The following RNF170 variants were observed in gnomAD, a reference collection of about 807,000 sequenced individuals.
RNF170 encodes the protein ring finger protein 170, also known as E3 ubiquitin-protein ligase RNF170.
RNF170 carries 12 observed loss-of-function variants against 32.7 expected under a neutral mutation model. The ratio of observed to expected loss-of-function variants is 0.37; its 90% CI spans 0.24 to 0.60. The LOEUF (loss-of-function observed/expected upper bound fraction) is 0.60. Ranked by LOEUF, RNF170 falls within the 20% of genes least tolerant of loss-of-function variation. The pLI, the probability that RNF170 is intolerant of heterozygous loss-of-function variation, is 0.72. For missense variants in RNF170, 212 were observed against 311.2 expected (o/e 0.68, Z 2.40); for synonymous variants, 91 against 103.6 (o/e 0.88, Z 0.74).
chr8:42,874,064 T>C lies in RNF170; in HGVS notation c.138-58A>G, dbSNP rs1804725438. On this transcript the variant is annotated intron_variant, in intron 2 of 6. Coordinates refer to ENST00000527424, the MANE Select transcript of RNF170 (RefSeq NM_030954.4). ...AAAATATTATCATATGAATCCATTT[T>C]CTTCATGGGTCTACTTTCTGACTTA... The C allele has an allele frequency of 4.1e-6, 4 of 980,090 alleles. No homozygotes were observed. In the South Asian group the frequency reaches 5.3e-5, roughly 13 times the overall value. 60.7% of individuals were successfully genotyped at this position (980,090 alleles called of 1,614,324 possible).
upstream of RNF170, chr8:42,897,224 TC>T (rs1393573375): frequency 1.2e-5 from 15 of 1,207,908 alleles, no homozygotes; most frequent in Admixed American, 4.3e-5. Flanking sequence ...GAAGACCCCC[TC>T]CCCCCGCCAC....
At chr8:42,888,223 G>A (rs548669147) in intron 1 of RNF170, among the ~76,000 whole-genome samples, 2 of 151,710 alleles carry the variant, frequency 1.3e-5, no homozygotes, top group African/African-American at 2.4e-5. Context: ...GCACCACTAC[G>A]CCTGGCTAAT....
At chr8:42,895,299 T>A (rs1045018732) in intron 1 of RNF170, among the ~76,000 whole-genome samples, 38 of 151,972 alleles carry the variant, frequency 2.5e-4, no homozygotes, top group African/African-American at 9.2e-4. Flanking sequence ...CGAGACCCTT[T>A]CTCAAAAACC....
chr8:42,854,167 C>G lies in RNF170; in HGVS notation c.*1992G>C. ...GATTTGGAAGTGTAGAATTCGGATT[C>G]ATGTCATCTCCACAGACCTTTCCTC... On this transcript the variant is annotated 3_prime_UTR_variant, in exon 7 of 7. Transcript: ENST00000527424. 1.6e-6 allele frequency: 2 copies of G among 1,287,024 alleles called. No homozygotes were observed. Among genetic ancestry groups the G allele is most frequent in the Non-Finnish European group, 2.0e-6 (2 of 988,648 alleles). The allele number at this position is 1,287,024 out of a possible 1,614,324, so 79.7% of individuals were successfully genotyped here. A position where few individuals can be genotyped will look rare whatever the true frequency, so the allele number is the denominator to read the frequency against.
intron 2 of RNF170, among the ~76,000 whole-genome samples, chr8:42,878,711 G>A (rs933762474): frequency 3.3e-5 from 5 of 152,220 alleles, no homozygotes; most frequent in East Asian, 3.8e-4. Flanking sequence ...AGGTGGCTAC[G>A]CTCAACAACA....
chr8:42,859,404 G>T (rs1252083572), intron 6 of RNF170, among the ~76,000 whole-genome samples: 1 of 152,160 alleles, frequency 6.6e-6, no homozygotes, highest in Non-Finnish European at 1.5e-5. Flanking sequence ...GGCAGTCTGA[G>T]GGGGTGGATT....
At chr8:42,887,633 T>C in intron 2 of RNF170, 95 bp downstream of exon 2, 1 of 1,110,662 alleles carries the variant, frequency 9.0e-7, no homozygotes, top group Non-Finnish European at 1.4e-6. Flanking sequence ...TGAGATCTGT[T>C]ACTTGCTGTT....
intron 1 of RNF170, among the ~76,000 whole-genome samples, chr8:42,895,937 A>C (rs1806786229): frequency 6.6e-6 from 1 of 151,822 alleles, no homozygotes. Flanking sequence ...TTTCGTTTTT[A>C]TCTGGGTGTT....
In RNF170 at chr8:42,853,517, G is replaced by A. The variant is rs1466993242; in HGVS notation, c.*2642C>T. On this transcript the variant is annotated 3_prime_UTR_variant, in exon 7 of 7. Transcript: ENST00000527424. Reference sequence around the variant, plus strand: ...ACTGTTCTAGTGGGCAGTTAGAACAGTTGTTTTCCCCGTCTTGTTCCCCAC... The same window carrying A: ...ACTGTTCTAGTGGGCAGTTAGAACAATTGTTTTCCCCGTCTTGTTCCCCAC... The A allele has an allele frequency of 7.8e-7, 1 of 1,287,148 alleles. No individual in the cohort carries two copies. Among genetic ancestry groups the A allele is most frequent in the Non-Finnish European group, 1.0e-6 (1 of 988,692 alleles). The allele number at this position is 1,287,148 out of a possible 1,614,324, so 79.7% of individuals were successfully genotyped here. A position where few individuals can be genotyped will look rare whatever the true frequency, so the allele number is the denominator to read the frequency against.
At position 42,853,686 on chromosome 8, in the gene RNF170, C is replaced by A. The variant is rs573003963; in HGVS notation, c.*2473G>T. The A allele has an allele frequency of 1.9e-5, 24 of 1,287,008 alleles. 1 individual carries two copies. The highest frequency in any genetic ancestry group is 1.5e-4 in the African/African-American group (10 of 65,894). The allele number at this position is 1,287,008 out of a possible 1,614,324, so 79.7% of individuals were successfully genotyped here. On this transcript the variant is annotated 3_prime_UTR_variant, in exon 7 of 7. Transcript: ENST00000527424. ...ATCACGGAAGTATTACTATGATGTT[C>A]AAAACTCTGATTGACTCTACTTGCT...
At chr8:42,896,693 A>C (rs1350508601), upstream of RNF170, 1 of 402,830 alleles carries the variant, frequency 2.5e-6, no homozygotes, top group African/African-American at 2.2e-5. Context: ...TCCAGGGCGG[A>C]GCGCGTGCTC....
chr8:42,878,745 T>C (rs1056453170), intron 2 of RNF170, among the ~76,000 whole-genome samples: 1 of 152,204 alleles, frequency 6.6e-6, no homozygotes, highest in African/African-American at 2.4e-5. Flanking sequence ...AAGAAACAGT[T>C]TTCCCTTGCA....
downstream of RNF170, among the ~76,000 whole-genome samples, chr8:42,851,328 G>A (rs73634694): frequency 0.014 from 2,185 of 152,162 alleles, 52 homozygotes; most frequent in African/African-American, 0.051. Flanking sequence ...TTGGGAGGCC[G>A]GGACTGGCGG....
chr8:42,883,313 A>G (rs895489877), intron 2 of RNF170, among the ~76,000 whole-genome samples: 1 of 152,146 alleles, frequency 6.6e-6, no homozygotes, highest in East Asian at 1.9e-4. Flanking sequence ...ATAAAAAAAT[A>G]AAGTTTGGGA....
At chr8:42,886,288 G>A (rs1193502316) in intron 2 of RNF170, among the ~76,000 whole-genome samples, 1 of 151,926 alleles carries the variant, frequency 6.6e-6, no homozygotes, top group Non-Finnish European at 1.5e-5. Context: ...AATATACAAT[G>A]TCCTTCTATT....
intron 1 of RNF170, among the ~76,000 whole-genome samples, chr8:42,895,388 T>G (rs535685729): frequency 2.6e-5 from 4 of 151,958 alleles, no homozygotes; most frequent in Non-Finnish European, 5.9e-5. Context: ...CTACTCTTAA[T>G]GGAAAAAAAG....
At chr8:42,879,377 G>T (rs1445739007) in intron 2 of RNF170, among the ~76,000 whole-genome samples, 1 of 152,100 alleles carries the variant, frequency 6.6e-6, no homozygotes, top group Non-Finnish European at 1.5e-5. Context: ...TTTTGGCCAG[G>T]TGTGGTGGCT....
chr8:42,858,930 C>T (rs887178063), intron 6 of RNF170, among the ~76,000 whole-genome samples: 1 of 152,208 alleles, frequency 6.6e-6, no homozygotes, highest in East Asian at 1.9e-4. Context: ...TGCCTGTAAT[C>T]CCACCACTTT....
chr8:42,861,328 ATT>A (rs958635111), intron 6 of RNF170: 3 of 155,400 alleles, frequency 1.9e-5, no homozygotes, highest in African/African-American at 4.9e-5. Flanking sequence ...ATATAATGAG[ATT>A]TTTTTTTTTC....
Sources: gnomAD v4.1 joint callset for allele counts (sites outside exome capture counted in the v4.1 genomes callset) on GRCh38, gnomAD v4.1.1 for gene constraint, MANE v1.5 for transcripts, NCBI Gene and HGNC (gene_info 2026-07-23, HGNC 2026-07-21) for gene names.